Variants in PTPRD observed in about 807,000 individuals in gnomAD.
The protein encoded by PTPRD is receptor-type tyrosine-protein phosphatase delta.
A neutral mutation model predicts 214.5 loss-of-function variants in PTPRD; 34 were observed. The ratio of observed to expected loss-of-function variants is 0.16; its 90% CI spans 0.12 to 0.21. The LOEUF (loss-of-function observed/expected upper bound fraction) is 0.21, where lower values mean the gene tolerates loss of function less well. Ranked by LOEUF, PTPRD falls within the 10% of genes least tolerant of loss-of-function variation. PTPRD has a pLI of 1.00. For synonymous variants in PTPRD, 1,128 were observed against 845.7 expected, an observed-to-expected ratio of 1.33 and a Z score of -5.79; for missense variants, 2,545 against 2,398.7, an observed-to-expected ratio of 1.06 and a Z score of -1.27.
intron 9 of PTPRD, among the ~76,000 whole-genome samples, chr9:9,233,136 T>C (rs1288755807): frequency 2.0e-5 from 3 of 152,052 alleles, no homozygotes; most frequent in African/African-American, 4.8e-5. Context: ...GGGTAATTTA[T>C]AAAGAAAAGA....
chr9:8,743,866 G>A (rs6477338), intron 11 of PTPRD, among the ~76,000 whole-genome samples: 11,113 of 150,932 alleles, frequency 0.074, 1,100 homozygotes, highest in African/African-American at 0.23. Flanking sequence ...CAGAGTGGGA[G>A]AAAATCTTCA....
At chr9:9,585,823 G>A (rs879579624) in intron 7 of PTPRD, among the ~76,000 whole-genome samples, 4 of 152,028 alleles carry the variant, frequency 2.6e-5, no homozygotes, top group African/African-American at 9.7e-5. Flanking sequence ...CTCAAAGGTA[G>A]GTAGGGGAGC....
At chr9:10,050,778 C>T (rs1284177220) in intron 3 of PTPRD, among the ~76,000 whole-genome samples, 1 of 151,740 alleles carries the variant, frequency 6.6e-6, no homozygotes, top group Non-Finnish European at 1.5e-5. Context: ...TTTATCGTAT[C>T]TTTCATTCTT....
intron 3 of PTPRD, among the ~76,000 whole-genome samples, chr9:10,306,129 GGA>G (rs1023135992): frequency 3.9e-5 from 6 of 151,998 alleles, no homozygotes; most frequent in African/African-American, 1.5e-4. Context: ...GCAGGGACAT[GGA>G]TGAAGCTGGA....
At chr9:10,047,355 T>TGC (rs2097425895) in intron 3 of PTPRD, among the ~76,000 whole-genome samples, 1 of 139,436 alleles carries the variant, frequency 7.2e-6, no homozygotes, top group Admixed American at 7.4e-5. Flanking sequence ...TGTGTGTGCT[T>TGC]GTGTGATAAT....
At chr9:9,453,821 G>A (rs2092606189) in intron 8 of PTPRD, among the ~76,000 whole-genome samples, 1 of 151,600 alleles carries the variant, frequency 6.6e-6, no homozygotes, top group African/African-American at 2.4e-5. Flanking sequence ...GGAGATATAA[G>A]GGCCTAAAGA....
intron 10 of PTPRD, among the ~76,000 whole-genome samples, chr9:9,036,207 A>AT (rs1007634500): frequency 1.2e-4 from 15 of 120,136 alleles, no homozygotes; most frequent in Admixed American, 8.6e-4. Flanking sequence ...TTTTCAGAAA[A>AT]TTAAAAAAAA....
At chr9:8,584,349 G>C (rs1312433509) in intron 14 of PTPRD, among the ~76,000 whole-genome samples, 1 of 151,646 alleles carries the variant, frequency 6.6e-6, no homozygotes, top group Non-Finnish European at 1.5e-5. Context: ...CCAAACCCCA[G>C]ACCATTAGGT....
chr9:9,217,118 A>T lies in PTPRD; in HGVS notation c.-202-33755T>A, dbSNP rs556664769. ...GAGAACTAAGGGCCCCTTTAGCCAAAGAGATTCCACTGGGAGGCTGTAGGG... is the reference window on the plus strand; with the variant it reads ...GAGAACTAAGGGCCCCTTTAGCCAATGAGATTCCACTGGGAGGCTGTAGGG... On this transcript the variant is annotated intron_variant, in intron 9 of 45. Coordinates refer to ENST00000381196, the MANE Select transcript of PTPRD (RefSeq NM_002839.4). Among the ~76,000 whole-genome samples the T allele has an allele frequency of 3.3e-5, 5 of 152,202 alleles. No individual in the cohort carries two copies. The East Asian group carries it at 7.7e-4, about 24-fold the overall frequency.
rs182913348 is a variant in PTPRD at position 10,393,441 on chromosome 9, T to G, written c.-599-52424A>C. On this transcript the variant is annotated intron_variant, in intron 2 of 45. Coordinates refer to ENST00000381196, the MANE Select transcript of PTPRD (RefSeq NM_002839.4). The stretch of plus-strand genomic sequence containing the variant: ...AAGGTTCTGATTTATATTTGTTACA[T>G]TAGTTTCCCTTTGATTTCAAGAAAC... Among the ~76,000 whole-genome samples the G allele has an allele frequency of 4.4e-3, 665 of 151,692 alleles. 4 individuals carry two copies. The highest frequency in any genetic ancestry group is 0.015 in the African/African-American group (606 of 41,472).
chr9:8,542,027 T>G (rs1295270158), intron 14 of PTPRD, among the ~76,000 whole-genome samples: 1 of 151,454 alleles, frequency 6.6e-6, no homozygotes, highest in African/African-American at 2.4e-5. Flanking sequence ...ATGGAAGAGT[T>G]GTCAAGCATC....
chr9:9,005,706 C>T (rs970316401), intron 11 of PTPRD, among the ~76,000 whole-genome samples: 1 of 151,998 alleles, frequency 6.6e-6, no homozygotes, highest in Admixed American at 6.6e-5. Context: ...TTCTCTAATG[C>T]ATTTTAGCAA....
chr9:8,854,277 T>C (rs1331468033), intron 11 of PTPRD, among the ~76,000 whole-genome samples: 2 of 152,178 alleles, frequency 1.3e-5, no homozygotes, highest in African/African-American at 2.4e-5. Context: ...TTGACTCTTA[T>C]ACTGCCTGCA....
chr9:9,346,361 A>G (rs1417867274), intron 9 of PTPRD, among the ~76,000 whole-genome samples: 1 of 152,200 alleles, frequency 6.6e-6, no homozygotes, highest in Non-Finnish European at 1.5e-5. Flanking sequence ...GATCTTGAGA[A>G]AAATTTAAGA....
At chr9:9,087,913 G>T (rs1205535099) in intron 10 of PTPRD, among the ~76,000 whole-genome samples, 1 of 104,400 alleles carries the variant, frequency 9.6e-6, no homozygotes, top group Non-Finnish European at 1.8e-5. Context: ...TTGAGACAGA[G>T]TCTCACTCTG....
chr9:8,773,995 G>A (rs1347890586), intron 11 of PTPRD, among the ~76,000 whole-genome samples: 1 of 152,028 alleles, frequency 6.6e-6, no homozygotes, highest in African/African-American at 2.4e-5. Context: ...GAAGAGTTAG[G>A]CAGCCCTCCT....
At chr9:8,581,441 T>A (rs1457146461) in intron 14 of PTPRD, among the ~76,000 whole-genome samples, 1 of 151,952 alleles carries the variant, frequency 6.6e-6, no homozygotes, top group Non-Finnish European at 1.5e-5. Flanking sequence ...CACATAAACA[T>A]CATAAAGAAA....
chr9:8,646,826 A>G (rs566753589), intron 12 of PTPRD, among the ~76,000 whole-genome samples: 247 of 152,302 alleles, frequency 1.6e-3, no homozygotes, highest in African/African-American at 5.7e-3. Flanking sequence ...AACCATACCC[A>G]GCACATAGTT....
chr9:8,725,993 G>A (rs1470334775), intron 12 of PTPRD, among the ~76,000 whole-genome samples: 1 of 149,748 alleles, frequency 6.7e-6, no homozygotes, highest in Non-Finnish European at 1.5e-5. Flanking sequence ...ACTTCACACA[G>A]AGCTTTCCAC....
Sources: allele counts gnomAD v4.1 joint callset (sites outside exome capture counted in the v4.1 genomes callset), GRCh38; gene constraint gnomAD v4.1.1; transcripts MANE v1.5; gene names NCBI Gene and HGNC (gene_info 2026-07-23, HGNC 2026-07-21).